Variants in OSBPL6 observed in about 807,000 individuals in gnomAD.
The protein encoded by OSBPL6 is oxysterol binding protein like 6, also known as oxysterol-binding protein-related protein 6.
In OSBPL6, 49 loss-of-function variants were observed where a neutral mutation model predicts 125.8. The ratio of observed to expected loss-of-function variants is 0.39; its 90% CI spans 0.31 to 0.49. The LOEUF (loss-of-function observed/expected upper bound fraction) is 0.49. Ranked by LOEUF, OSBPL6 falls within the 20% of genes least tolerant of loss-of-function variation. The pLI is 0.88. For missense variants in OSBPL6, 986 were observed against 1,135.4 expected, an observed-to-expected ratio of 0.87 and a Z score of 1.89; for synonymous variants, 394 against 391.8, an observed-to-expected ratio of 1.01 and a Z score of -0.07.
intron 1 of OSBPL6, among the ~76,000 whole-genome samples, chr2:178,265,806 G>A (rs1165447887): frequency 6.6e-6 from 1 of 151,792 alleles, no homozygotes; most frequent in Admixed American, 6.6e-5. Context: ...CCTTCCTTTT[G>A]TGTTTCCCTC....
At chr2:178,249,031 G>A (rs574255070) in intron 1 of OSBPL6, among the ~76,000 whole-genome samples, 1 of 152,166 alleles carries the variant, frequency 6.6e-6, no homozygotes, top group East Asian at 1.9e-4. Context: ...CCACCTCCCC[G>A]GTTCAAGTGA....
intron 2 of OSBPL6, among the ~76,000 whole-genome samples, chr2:178,300,308 G>C (rs1011405998): frequency 6.6e-6 from 1 of 152,194 alleles, no homozygotes; most frequent in East Asian, 1.9e-4. Context: ...ACTCCAGGTG[G>C]ATCACTCCAT....
At chr2:178,243,659 CTTTG>C (rs1012014823) in intron 1 of OSBPL6, among the ~76,000 whole-genome samples, 11 of 152,012 alleles carry the variant, frequency 7.2e-5, no homozygotes, top group African/African-American at 2.4e-4. Flanking sequence ...TTTTTTGTTT[CTTTG>C]TTTGTTTTGA....
chr2:178,321,530 A>G lies in OSBPL6; in HGVS notation c.103-2647A>G, dbSNP rs149527546. 5.7e-3 allele frequency among the ~76,000 whole-genome samples: 871 copies of G among 152,322 alleles called. 16 individuals carry two copies. Among genetic ancestry groups the G allele is most frequent in the African/African-American group, 0.02 (823 of 41,576 alleles). ...GCTTTTTTTAAAACCATGAGTTTGGAGAAAATTCAAGGTAGTGGATTAATT... is the reference window on the plus strand; with the variant it reads ...GCTTTTTTTAAAACCATGAGTTTGGGGAAAATTCAAGGTAGTGGATTAATT... On this transcript the variant is annotated intron_variant, in intron 3 of 24. Transcript: ENST00000190611.
intron 3 of OSBPL6, among the ~76,000 whole-genome samples, chr2:178,308,547 G>A (rs935385472): frequency 6.6e-6 from 1 of 152,158 alleles, no homozygotes; most frequent in Non-Finnish European, 1.5e-5. Context: ...CACATTATTT[G>A]CCTTTCCTTC....
At chr2:178,333,772 A>C (rs185038733) in intron 8 of OSBPL6, among the ~76,000 whole-genome samples, 1 of 152,324 alleles carries the variant, frequency 6.6e-6, no homozygotes, top group Admixed American at 6.5e-5. Flanking sequence ...AGGCTATTAA[A>C]TTTCTCCATG....
At chr2:178,337,485 T>C (rs1201232275) in intron 9 of OSBPL6, among the ~76,000 whole-genome samples, 2 of 152,216 alleles carry the variant, frequency 1.3e-5, no homozygotes, top group Non-Finnish European at 2.9e-5. Flanking sequence ...CTCTTTCTTA[T>C]TGTAAATAAT....
At chr2:178,279,404 C>A (rs1342405176) in intron 1 of OSBPL6, among the ~76,000 whole-genome samples, 1 of 152,186 alleles carries the variant, frequency 6.6e-6, no homozygotes, top group East Asian at 1.9e-4. Flanking sequence ...TCAGAAGGAA[C>A]CATTGCCAAG....
In OSBPL6 at chr2:178,388,995, AC is replaced by A; in HGVS notation, c.2157-13del. On this transcript the variant is annotated splice_polypyrimidine_tract_variant and intron_variant, in intron 20 of 24. Transcript: ENST00000190611. ...ACCTTGGTTGTTTTTCATCAGTGTT[AC>A]ATTCTTCACTAGGTATGGAGATTAC... The A allele has an allele frequency of 1.2e-6, 2 of 1,612,884 alleles. No individual in the cohort carries two copies. The highest frequency in any genetic ancestry group is 1.7e-6 in the Non-Finnish European group (2 of 1,179,650).
At chr2:178,360,820 C>A (rs969229518) in intron 12 of OSBPL6, among the ~76,000 whole-genome samples, 2 of 152,078 alleles carry the variant, frequency 1.3e-5, no homozygotes, top group Admixed American at 6.6e-5. Context: ...ATCGTGAATC[C>A]CTTGTGATCC....
chr2:178,202,020 C>G (rs762060352), intron 1 of OSBPL6, among the ~76,000 whole-genome samples: 1 of 152,228 alleles, frequency 6.6e-6, no homozygotes, highest in African/African-American at 2.4e-5. Context: ...CAATCTGACA[C>G]TACAGTGAGT....
At chr2:178,336,187 T>C (rs1689669807) in intron 8 of OSBPL6, 114 bp from the exon 9 acceptor site, 1 of 1,326,766 alleles carries the variant, frequency 7.5e-7, no homozygotes, top group Admixed American at 2.1e-5. Flanking sequence ...TTCCATGTTT[T>C]GAGTGTGCAT....
intron 2 of OSBPL6, among the ~76,000 whole-genome samples, chr2:178,287,271 G>A (rs749374952): frequency 1.3e-5 from 2 of 150,766 alleles, no homozygotes; most frequent in Non-Finnish European, 3.0e-5. Context: ...TCAGGCCACA[G>A]GGTATCCATT....
chr2:178,268,209 G>A (rs899483561), intron 1 of OSBPL6, among the ~76,000 whole-genome samples: 1 of 151,706 alleles, frequency 6.6e-6, no homozygotes, highest in Non-Finnish European at 1.5e-5. Flanking sequence ...AGTCTCCCAA[G>A]TAGCTGGGAT....
intron 12 of OSBPL6, among the ~76,000 whole-genome samples, chr2:178,360,939 T>C (rs1350188018): frequency 2.0e-5 from 3 of 152,240 alleles, no homozygotes; most frequent in Non-Finnish European, 4.4e-5. Flanking sequence ...ACTTTGCATA[T>C]TATAGAAACT....
chr2:178,266,894 A>C (rs573862623), intron 1 of OSBPL6, among the ~76,000 whole-genome samples: 1 of 152,228 alleles, frequency 6.6e-6, no homozygotes, highest in South Asian at 2.1e-4. Flanking sequence ...GTTGCACTTA[A>C]AAAAATACTA....
At chr2:178,196,568 T>C (rs570666074) in intron 1 of OSBPL6, among the ~76,000 whole-genome samples, 1 of 152,260 alleles carries the variant, frequency 6.6e-6, no homozygotes, top group African/African-American at 2.4e-5. Flanking sequence ...TATCCCTAGA[T>C]TGCTATAACC....
intron 4 of OSBPL6, 114 bp from the exon 5 acceptor site, chr2:178,328,142 T>G: frequency 7.5e-7 from 1 of 1,339,052 alleles, no homozygotes; most frequent in Non-Finnish European, 1.0e-6. Flanking sequence ...TTGTTCATCC[T>G]TCTTTCTGGT....
chr2:178,375,414 T>G (rs182602013), intron 15 of OSBPL6, among the ~76,000 whole-genome samples: 48 of 151,534 alleles, frequency 3.2e-4, no homozygotes, highest in Non-Finnish European at 3.7e-4. Context: ...GTTGTTGTTG[T>G]TTTTGTTTTT....
Sources: allele counts gnomAD v4.1 joint callset (sites outside exome capture counted in the v4.1 genomes callset), GRCh38; gene constraint gnomAD v4.1.1; transcripts MANE v1.5; gene names NCBI Gene and HGNC (gene_info 2026-07-23, HGNC 2026-07-21).